Variants in POLD1 observed in about 807,000 individuals in gnomAD.
POLD1 encodes DNA polymerase delta catalytic subunit.
A neutral mutation model predicts 129.7 loss-of-function variants in POLD1; 79 were observed. The ratio of observed to expected loss-of-function variants is 0.61; its 90% CI spans 0.51 to 0.73. The LOEUF (loss-of-function observed/expected upper bound fraction) is 0.73, where lower values mean the gene tolerates loss of function less well. Among genes scored for constraint, POLD1 ranks in the 30% least tolerant of loss-of-function variants. The pLI is 0.00. For synonymous variants in POLD1, 714 were observed against 683.3 expected, an observed-to-expected ratio of 1.04 and a Z score of -0.70; for missense variants, 1,338 against 1,595.8, an observed-to-expected ratio of 0.84 and a Z score of 2.75.
intron 10 of POLD1, among the ~76,000 whole-genome samples, chr19:50,404,145 G>A (rs1251270018): frequency 1.3e-5 from 2 of 152,160 alleles, no homozygotes; most frequent in Admixed American, 6.6e-5. Context: ...TGCTTCCTTC[G>A]GGGGCTGCAA....
intron 9 of POLD1, 133 bp downstream of exon 9, chr19:50,403,352 C>G: frequency 3.5e-6 from 4 of 1,137,166 alleles, no homozygotes; most frequent in Non-Finnish European, 3.9e-6. Flanking sequence ...CTGGGTGGGC[C>G]CCTGTGCAAT....
intron 8 of POLD1, 70 bp downstream of exon 8, chr19:50,402,811 C>A: frequency 6.5e-7 from 1 of 1,532,884 alleles, no homozygotes; most frequent in Non-Finnish European, 8.8e-7. Flanking sequence ...AAGGCAGGTC[C>A]GGTGGAGGGA....
Position 50,417,843 on chromosome 19 carries a change from C to A in POLD1, c.3220C>A (p.Arg1074=), listed in dbSNP as rs778190445. 6.3e-7 allele frequency: 1 copy of A among 1,597,266 alleles called. No individual in the cohort carries two copies. The highest frequency in any genetic ancestry group is 1.7e-5 in the Admixed American group (1 of 58,364). ...CCCTGCCCCTGCCCCCACCCGCAGC[C>A]GGGACTGCCCCATCTTCTACATGCG... is the stretch of plus-strand genomic sequence containing the variant. The part of the protein sequence containing the change: ...SLHEDVICTS[R]DCPIFYMRKK... The change falls in exon 27 of 27, where the codon CGG becomes AGG. Residue 1074 remains arginine, a splice_region_variant and synonymous_variant. Transcript: ENST00000440232.
chr19:50,400,133 A>ATTTTTTTTTTTTTTTTT (rs71182715), intron 3 of POLD1, among the ~76,000 whole-genome samples: 2 of 48,154 alleles, frequency 4.2e-5, no homozygotes, highest in Admixed American at 3.6e-4. Flanking sequence ...TTTTTAAAAG[A>ATTTTTTTTTTTTTTTTT]TTTTTTTTTT....
intron 20 of POLD1, among the ~76,000 whole-genome samples, chr19:50,415,229 G>C (rs971973350): frequency 3.9e-5 from 6 of 152,130 alleles, no homozygotes; most frequent in African/African-American, 1.4e-4. Context: ...GCTCTTCCTC[G>C]GTGGTGAAGC....
chr19:50,387,501 A>G, intron 1 of POLD1, among the ~76,000 whole-genome samples: 1 of 152,132 alleles, frequency 6.6e-6, no homozygotes, highest in East Asian at 1.9e-4. Flanking sequence ...AGGGCCAATG[A>G]GAGGGGACAC....
chr19:50,417,092 A>G lies in POLD1; in HGVS notation c.3115A>G (p.Lys1039Glu). Residue 1039 changes from lysine (K) to glutamate (E), a missense_variant, in exon 25 of 27, where the codon AAG (lysine) becomes GAG (glutamate). Lys to Glu is a moderately conservative substitution (Grantham distance 56, BLOSUM62 1). Coordinates refer to ENST00000440232, the MANE Select transcript of POLD1 (RefSeq NM_002691.4). ...GCCCCGGGAGTCTGAGCTGTATCAG[A>G]AGGAGGTGAGAGGGCCGGGAGGTGA... ...CQPRESELYQ[K>E]EVSHLNALEE... 1 of 1,559,554 alleles carries G rather than the reference A, an allele frequency of 6.4e-7. No homozygotes were observed. Among genetic ancestry groups the G allele is most frequent in the East Asian group, 2.4e-5 (1 of 41,800 alleles).
chr19:50,413,915 C>A (rs2122453175), intron 19 of POLD1, 36 bp downstream of exon 19: 1 of 1,551,798 alleles, frequency 6.4e-7, no homozygotes. Context: ...CATTTAGGTG[C>A]CCTCATCAGG....
At chr19:50,385,813 G>A (rs1423805243) in intron 1 of POLD1, among the ~76,000 whole-genome samples, 1 of 152,084 alleles carries the variant, frequency 6.6e-6, no homozygotes. Flanking sequence ...ACAGGCGTGA[G>A]CCACCACGCA....
Position 50,406,042 on chromosome 19 carries a change from A to G in POLD1, c.1243-140A>G. On this transcript the variant is annotated intron_variant, in intron 10 of 26. Transcript: ENST00000440232. The surrounding 1 kb of genome is among the most constrained non-coding windows in gnomAD (Gnocchi z 5.5). ...TCTCCAGCCACCCACACCCAGCCCC[A>G]GACCGTCTTTCTGCCCCCAGGGTTG... 2 of 961,248 alleles carry G rather than the reference A, an allele frequency of 2.1e-6. No homozygotes were observed. Among genetic ancestry groups the G allele is most frequent in the East Asian group, 4.8e-5 (2 of 41,254 alleles). The allele number at this position is 961,248 out of a possible 1,614,324, so 59.5% of individuals were successfully genotyped here.
intron 1 of POLD1, among the ~76,000 whole-genome samples, chr19:50,385,364 G>A (rs1328453218): frequency 6.6e-6 from 1 of 152,052 alleles, no homozygotes; most frequent in Non-Finnish European, 1.5e-5. Flanking sequence ...CAGGCTGGAT[G>A]GGGAAGGCTA....
rs760846797 is a variant in POLD1 at position 50,385,526 on chromosome 19, CTTTTT to C, written c.-2+1152_-2+1156del. ...AAGGAACTTGTTGCCACTGTCTTCT[CTTTTT>C]TTTTTTTTTTTTTTTGAGACAGAGT... is the stretch of plus-strand genomic sequence containing the variant. On this transcript the variant is annotated intron_variant, in intron 1 of 26. Transcript: ENST00000440232. Among the ~76,000 whole-genome samples, 109 of 128,924 alleles carry C rather than the reference CTTTTT, an allele frequency of 8.5e-4. 1 individual carries two copies. The highest frequency in any genetic ancestry group is 3.2e-3 in the African/African-American group (105 of 32,592). The allele number at this position is 128,924 out of a possible 152,430, so 84.6% of individuals were successfully genotyped here.
rs149366027 is a variant in POLD1, at chr19:50,415,450, C to G, written c.2577C>G (p.Gly859=). Residue 859 remains glycine (G), a synonymous_variant, in exon 21 of 27, where the codon GGC becomes GGG. Transcript: ENST00000440232. ...RRLLIDRDPE[G]AVAHAQDVIS... The stretch of plus-strand genomic sequence containing the variant: ...CGCTCTCCTACAGAGACCCTGAGGG[C>G]GCGGTGGCTCACGCACAGGACGTCA... 6.2e-6 allele frequency: 10 copies of G among 1,612,576 alleles called. No homozygotes were observed. Among genetic ancestry groups the G allele is most frequent in the Admixed American group, 1.7e-5 (1 of 60,002 alleles).
chr19:50,399,274 C>A (rs2038491220), intron 2 of POLD1, 97 bp from the exon 3 acceptor site: 4 of 1,183,920 alleles, frequency 3.4e-6, no homozygotes, highest in South Asian at 2.6e-5. Context: ...CTGACCCAGA[C>A]CACCACCTCT....
rs963949260 is a variant in POLD1, at chr19:50,409,116, A to G, written c.1893-6A>G. 6.2e-7 allele frequency: 1 copy of G among 1,600,658 alleles called. No homozygotes were observed. The highest frequency in any genetic ancestry group is 1.1e-5 in the South Asian group (1 of 90,786). ...CCGGCAGTCACCCCAACATCTTCCA[A>G]CCCAGCCTGACTGAGGATCAGTTCA... is the stretch of plus-strand genomic sequence containing the variant. On this transcript the variant is annotated splice_region_variant and splice_polypyrimidine_tract_variant and intron_variant, in intron 15 of 26. Transcript: ENST00000440232. This position sits in a 1 kb window ranked among gnomAD's most constrained non-coding sequence, Gnocchi z 5.8.
intron 23 of POLD1, 27 bp downstream of exon 23, chr19:50,416,555 C>A: frequency 6.5e-7 from 1 of 1,547,848 alleles, no homozygotes; most frequent in Admixed American, 1.9e-5. Flanking sequence ...GGACTGGGGG[C>A]ACCCTGGGGG....
chr19:50,407,254 A>C lies in POLD1; in HGVS notation c.1687-73A>C. 5.8e-6 allele frequency: 9 copies of C among 1,543,758 alleles called. No individual in the cohort carries two copies. In the South Asian group the frequency reaches 9.2e-5, roughly 16 times the overall value. On this transcript the variant is annotated intron_variant, in intron 13 of 26. Transcript: ENST00000440232. ...CTCCAGGCAATGGCATCCTGGATGCACTTTTTCTCCCCACTCCCAATCCGC... is the reference window on the plus strand; with the variant it reads ...CTCCAGGCAATGGCATCCTGGATGCCCTTTTTCTCCCCACTCCCAATCCGC...
At position 50,402,225 on chromosome 19, in the gene POLD1, C is replaced by T. The variant is rs777700419; in HGVS notation, c.610C>T (p.His204Tyr). The T allele has an allele frequency of 1.3e-6, 2 of 1,586,578 alleles. No homozygotes were observed. The highest frequency in any genetic ancestry group is 1.2e-5 in the South Asian group (1 of 86,256). Residue 204 changes from histidine to tyrosine, a missense_variant, in exon 6 of 27, where the codon CAC becomes TAC. Transcript: ENST00000440232. ...SRESMFGYHG[H>Y]GPSPFLRITV... Reference sequence around the variant, plus strand: ...CACAGGCATGTTTGGGTACCACGGGCACGGCCCCTCCCCGTTCCTGCGCAT... The same window carrying T: ...CACAGGCATGTTTGGGTACCACGGGTACGGCCCCTCCCCGTTCCTGCGCAT...
Position 50,406,047 on chromosome 19 carries a change from G to C in POLD1, c.1243-135G>C, listed in dbSNP as rs1023825353. 2.6e-5 allele frequency: 27 copies of C among 1,019,882 alleles called. No individual in the cohort carries two copies. Among genetic ancestry groups the C allele is most frequent in the African/African-American group, 3.2e-5 (2 of 62,208 alleles). The allele number at this position is 1,019,882 out of a possible 1,614,324, so 63.2% of individuals were successfully genotyped here. The stretch of plus-strand genomic sequence containing the variant: ...AGCCACCCACACCCAGCCCCAGACC[G>C]TCTTTCTGCCCCCAGGGTTGCTCTC... On this transcript the variant is annotated intron_variant, in intron 10 of 26. Coordinates refer to ENST00000440232, the MANE Select transcript of POLD1 (RefSeq NM_002691.4). This position sits in a 1 kb window ranked among gnomAD's most constrained non-coding sequence, Gnocchi z 5.5.
Sources: gnomAD v4.1 joint callset for allele counts (sites outside exome capture counted in the v4.1 genomes callset) on GRCh38, gnomAD v4.1.1 for gene constraint, Gnocchi (gnomAD v3.1) non-coding constraint, MANE v1.5 for transcripts, NCBI Gene and HGNC (gene_info 2026-07-23, HGNC 2026-07-21) for gene names.